The following GAREM1 variants were observed in gnomAD, a reference collection of about 807,000 sequenced individuals.
The protein encoded by GAREM1 is GRB2-associated and regulator of MAPK protein 1.
GAREM1 carries 26 observed loss-of-function variants against 71.3 expected under a neutral mutation model. The ratio of observed to expected loss-of-function variants is 0.36; its 90% CI spans 0.27 to 0.51. GAREM1 has a LOEUF of 0.51. GAREM1 is among the 20% of genes least tolerant of loss of function. GAREM1 has a pLI of 0.95. For synonymous variants in GAREM1, 440 were observed against 433.2 expected (o/e 1.02, Z -0.20); for missense variants, 1,026 against 1,103.1 (o/e 0.93, Z 0.99).
chr18:32,356,902 A>T (rs552441614), intron 2 of GAREM1, among the ~76,000 whole-genome samples: 37 of 152,172 alleles, frequency 2.4e-4, no homozygotes, highest in African/African-American at 8.4e-4. Context: ...TCCACCCCCA[A>T]CCATGGCAAT....
intron 1 of GAREM1, among the ~76,000 whole-genome samples, chr18:32,456,587 C>T (rs2048891331): frequency 6.6e-6 from 1 of 152,122 alleles, no homozygotes; most frequent in Admixed American, 6.6e-5. Context: ...AACGCAATCA[C>T]TTTTCCCCTA....
At chr18:32,299,890 C>A (rs2047182862) in intron 3 of GAREM1, among the ~76,000 whole-genome samples, 1 of 151,866 alleles carries the variant, frequency 6.6e-6, no homozygotes, top group Non-Finnish European at 1.5e-5. Context: ...AGGTTTTAAA[C>A]AAAAAAAGTT....
At chr18:32,408,197 T>G (rs939124777) in intron 1 of GAREM1, among the ~76,000 whole-genome samples, 1 of 152,184 alleles carries the variant, frequency 6.6e-6, no homozygotes, top group African/African-American at 2.4e-5. Context: ...GAGGCTGTAT[T>G]ACTTTTGCTA....
intron 1 of GAREM1, among the ~76,000 whole-genome samples, chr18:32,468,795 AG>A (rs1053837644): frequency 3.6e-4 from 55 of 152,298 alleles, no homozygotes; most frequent in African/African-American, 1.3e-3. Context: ...AGGTAGGAAA[AG>A]GTAAGGACTC....
intron 2 of GAREM1, among the ~76,000 whole-genome samples, chr18:32,315,484 A>T (rs1429174741): frequency 6.8e-6 from 1 of 147,456 alleles, no homozygotes; most frequent in East Asian, 1.9e-4. Context: ...AAAAGTAGAT[A>T]TATATAAAAT....
chr18:32,430,238 A>G (rs763914703), intron 1 of GAREM1, among the ~76,000 whole-genome samples: 4 of 152,092 alleles, frequency 2.6e-5, no homozygotes, highest in East Asian at 1.9e-4. Flanking sequence ...CCTTTAGAAC[A>G]CTCTCTTACC....
chr18:32,424,089 T>A (rs1051387002), intron 1 of GAREM1, among the ~76,000 whole-genome samples: 15 of 151,466 alleles, frequency 9.9e-5, no homozygotes, highest in African/African-American at 3.6e-4. Context: ...TGAACTGAGA[T>A]CATGCTGCTG....
At chr18:32,326,779 A>T (rs1258324846) in intron 2 of GAREM1, among the ~76,000 whole-genome samples, 1 of 152,166 alleles carries the variant, frequency 6.6e-6, no homozygotes, top group African/African-American at 2.4e-5. Flanking sequence ...TTTATTCAGT[A>T]CAGATCCAGC....
chr18:32,454,549 T>C (rs964825264), intron 1 of GAREM1, among the ~76,000 whole-genome samples: 2 of 152,220 alleles, frequency 1.3e-5, no homozygotes, highest in South Asian at 4.1e-4. Context: ...TTCACAAGCC[T>C]CAGAGTATTT....
intron 2 of GAREM1, among the ~76,000 whole-genome samples, chr18:32,382,505 C>T (rs1470348499): frequency 6.6e-6 from 1 of 152,024 alleles, no homozygotes; most frequent in Non-Finnish European, 1.5e-5. Context: ...GTGGCGAGTG[C>T]CTGCTGGGTT....
intron 1 of GAREM1, among the ~76,000 whole-genome samples, chr18:32,446,437 C>T (rs2048787324): frequency 6.6e-6 from 1 of 152,060 alleles, no homozygotes; most frequent in Non-Finnish European, 1.5e-5. Context: ...AATGTATTGC[C>T]CAATCCAAGA....
chr18:32,348,678 G>A (rs185401201), intron 2 of GAREM1, among the ~76,000 whole-genome samples: 30 of 152,248 alleles, frequency 2.0e-4, no homozygotes, highest in African/African-American at 7.0e-4. Context: ...GAGCAAGATC[G>A]TGCCACTGCA....
At chr18:32,460,015 T>C (rs2048938229) in intron 1 of GAREM1, among the ~76,000 whole-genome samples, 3 of 152,042 alleles carry the variant, frequency 2.0e-5, no homozygotes, top group South Asian at 4.1e-4. Flanking sequence ...ACCCTTTTTC[T>C]GGTACTTTTA....
chr18:32,325,721 C>T (rs183516216), intron 2 of GAREM1, among the ~76,000 whole-genome samples: 16 of 152,282 alleles, frequency 1.1e-4, no homozygotes, highest in Admixed American at 9.1e-4. Context: ...CTTTGCACAA[C>T]AGGTAGTGTA....
intron 1 of GAREM1, among the ~76,000 whole-genome samples, chr18:32,397,371 A>G (rs2048267650): frequency 6.6e-6 from 1 of 152,204 alleles, no homozygotes. Context: ...TTGGATAAAG[A>G]GTCAAGACTC....
chr18:32,299,919 G>A (rs1208658029), intron 3 of GAREM1, among the ~76,000 whole-genome samples: 1 of 152,252 alleles, frequency 6.6e-6, no homozygotes, highest in Admixed American at 6.5e-5. Flanking sequence ...TTTATATTAT[G>A]AGACTGTAAA....
intron 3 of GAREM1, 106 bp downstream of exon 3, chr18:32,310,087 A>C: frequency 7.7e-7 from 1 of 1,304,502 alleles, no homozygotes; most frequent in Non-Finnish European, 1.1e-6. Flanking sequence ...ATTAGAAGAT[A>C]AAACCCTCCT....
chr18:32,328,686 T>C (rs1275975525), intron 2 of GAREM1, among the ~76,000 whole-genome samples: 1 of 152,204 alleles, frequency 6.6e-6, no homozygotes, highest in Non-Finnish European at 1.5e-5. Context: ...AAAGATCACT[T>C]AGTCTCTGGT....
intron 2 of GAREM1, among the ~76,000 whole-genome samples, chr18:32,383,195 C>T (rs577321268): frequency 5.3e-5 from 8 of 152,308 alleles, no homozygotes; most frequent in African/African-American, 1.9e-4. Flanking sequence ...GTATACCTCA[C>T]CAAAAATCAA....
Sources: allele counts gnomAD v4.1 joint callset (sites outside exome capture counted in the v4.1 genomes callset), GRCh38; gene constraint gnomAD v4.1.1; transcripts MANE v1.5; gene names NCBI Gene and HGNC (gene_info 2026-07-23, HGNC 2026-07-21).